Variants in ANKRD30BL observed in about 807,000 individuals in gnomAD.
ANKRD30BL encodes ankyrin repeat domain 30B like, also known as putative ankyrin repeat domain-containing protein 30B-like.
ANKRD30BL carries 20 observed loss-of-function variants against 18.4 expected under a neutral mutation model. The observed-to-expected ratio is 1.09, with a 90% CI of 0.77 to 1.58. The LOEUF is 1.58. ANKRD30BL is among the 40% of genes most tolerant of loss of function. The pLI, the probability that ANKRD30BL is intolerant of heterozygous loss-of-function variation, is 0.00. For synonymous variants in ANKRD30BL, 72 were observed against 100.9 expected, an observed-to-expected ratio of 0.71 and a Z score of 1.72; for missense variants, 224 against 268.6, an observed-to-expected ratio of 0.83 and a Z score of 1.16.
intron 1 of ANKRD30BL, among the ~76,000 whole-genome samples, chr2:132,244,749 C>T (rs149962062): frequency 1.0e-4 from 12 of 117,780 alleles, no homozygotes; most frequent in Admixed American, 2.5e-4. Context: ...TTGTTGCAGA[C>T]GTGAATACCT....
intron 1 of ANKRD30BL, among the ~76,000 whole-genome samples, chr2:132,182,395 T>G (rs1375860967): frequency 6.7e-6 from 1 of 150,010 alleles, no homozygotes; most frequent in Non-Finnish European, 1.5e-5. Flanking sequence ...GGCAGGAGAA[T>G]GGCATGAACC....
intron 1 of ANKRD30BL, among the ~76,000 whole-genome samples, chr2:132,180,838 C>T (rs927318056): frequency 9.2e-5 from 14 of 151,936 alleles, no homozygotes; most frequent in African/African-American, 3.4e-4. Flanking sequence ...TATAAAAGAA[C>T]TTGATTAACG....
At chr2:132,192,572 T>C (rs1678882849) in intron 1 of ANKRD30BL, among the ~76,000 whole-genome samples, 1 of 152,268 alleles carries the variant, frequency 6.6e-6, no homozygotes, top group South Asian at 2.1e-4. Context: ...AAGTAGTTCA[T>C]CATGAGGTGG....
intron 1 of ANKRD30BL, among the ~76,000 whole-genome samples, chr2:132,235,321 T>C (rs60254588): frequency 2.6e-5 from 4 of 151,964 alleles, no homozygotes; most frequent in African/African-American, 9.7e-5. Flanking sequence ...CAACATAGGG[T>C]TGGAAGTTCT....
chr2:132,232,904 T>G, intron 1 of ANKRD30BL, among the ~76,000 whole-genome samples: 1 of 151,616 alleles, frequency 6.6e-6, no homozygotes, highest in Non-Finnish European at 1.5e-5. Flanking sequence ...AAAGTTGAAA[T>G]GAAGGAAAAA....
intron 1 of ANKRD30BL, among the ~76,000 whole-genome samples, chr2:132,217,412 C>T (rs998819781): frequency 6.6e-6 from 1 of 151,190 alleles, no homozygotes; most frequent in Non-Finnish European, 1.5e-5. Context: ...GATTTGAGAC[C>T]TATGGTTGAA....
intron 1 of ANKRD30BL, among the ~76,000 whole-genome samples, chr2:132,235,396 T>C (rs1680127061): frequency 6.6e-6 from 1 of 152,120 alleles, no homozygotes; most frequent in African/African-American, 2.4e-5. Flanking sequence ...GGAAGTCAAA[T>C]TGTCCCTGTT....
chr2:132,229,870 C>CT (rs1372722373), intron 1 of ANKRD30BL, among the ~76,000 whole-genome samples: 2 of 151,902 alleles, frequency 1.3e-5, no homozygotes, highest in Non-Finnish European at 2.9e-5. Context: ...TTGAAACTTC[C>CT]TTTCCATAGA....
chr2:132,195,325 C>A (rs921310330), intron 1 of ANKRD30BL, among the ~76,000 whole-genome samples: 45 of 151,964 alleles, frequency 3.0e-4, no homozygotes, highest in African/African-American at 1.0e-3. Context: ...GGTGAGTGTG[C>A]AAAAATATTA....
intron 1 of ANKRD30BL, among the ~76,000 whole-genome samples, chr2:132,187,457 GGC>G (rs1342126922): frequency 6.6e-6 from 1 of 151,904 alleles, no homozygotes; most frequent in East Asian, 1.9e-4. Flanking sequence ...TGGGACCACA[GGC>G]GCCCGCCACC....
chr2:132,238,207 A>G (rs992996856), intron 1 of ANKRD30BL, among the ~76,000 whole-genome samples: 2 of 151,562 alleles, frequency 1.3e-5, no homozygotes, highest in African/African-American at 4.8e-5. Context: ...AGTTAAACCT[A>G]TCGTTTGATA....
intron 1 of ANKRD30BL, among the ~76,000 whole-genome samples, chr2:132,175,111 T>C (rs550779024): frequency 3.3e-5 from 5 of 152,180 alleles, no homozygotes; most frequent in African/African-American, 9.6e-5. Context: ...AGAGTCAAAG[T>C]ATAGAGAAAG....
chr2:132,209,477 G>A (rs983528738), intron 1 of ANKRD30BL, among the ~76,000 whole-genome samples: 18 of 145,104 alleles, frequency 1.2e-4, no homozygotes, highest in South Asian at 2.3e-4. Flanking sequence ...GTGGACATTC[G>A]GAGCGATTTG....
At chr2:132,206,734 G>A (rs1345896293) in intron 1 of ANKRD30BL, among the ~76,000 whole-genome samples, 1 of 152,190 alleles carries the variant, frequency 6.6e-6, no homozygotes, top group Non-Finnish European at 1.5e-5. Flanking sequence ...GTGACAAAGT[G>A]GTTCACATTA....
At chr2:132,195,170 T>C (rs1678937271) in intron 1 of ANKRD30BL, among the ~76,000 whole-genome samples, 1 of 152,154 alleles carries the variant, frequency 6.6e-6, no homozygotes, top group East Asian at 1.9e-4. Flanking sequence ...TCAATATTTC[T>C]ATAAAGAGTC....
chr2:132,211,810 C>T (rs959617881), intron 1 of ANKRD30BL, among the ~76,000 whole-genome samples: 10 of 147,460 alleles, frequency 6.8e-5, no homozygotes, highest in Non-Finnish European at 1.4e-4. Flanking sequence ...CAGAGTTGAA[C>T]CTTTCTTTTC....
intron 1 of ANKRD30BL, among the ~76,000 whole-genome samples, chr2:132,195,655 G>T (rs989548911): frequency 1.3e-5 from 2 of 151,544 alleles, no homozygotes; most frequent in African/African-American, 4.8e-5. Flanking sequence ...GCAGGGCACG[G>T]TGGTGGGTGC....
At chr2:132,181,528 C>T (rs1688462080) in intron 1 of ANKRD30BL, among the ~76,000 whole-genome samples, 2 of 151,962 alleles carry the variant, frequency 1.3e-5, no homozygotes, top group Admixed American at 6.6e-5. Flanking sequence ...TAGAGATTCC[C>T]CTTAACTTCT....
intron 1 of ANKRD30BL, among the ~76,000 whole-genome samples, chr2:132,195,788 CAA>C (rs1205804103): frequency 0.075 from 3,628 of 48,132 alleles, 25 homozygotes; most frequent in East Asian, 0.16. Flanking sequence ...GAGCCTCTGC[CAA>C]AAAAAAAAAA....
Sources: gnomAD v4.1 joint callset for allele counts (sites outside exome capture counted in the v4.1 genomes callset) on GRCh38, gnomAD v4.1.1 for gene constraint, MANE v1.5 for transcripts, NCBI Gene and HGNC (gene_info 2026-07-23, HGNC 2026-07-21) for gene names.